The following ITGBL1 variants were observed in gnomAD, a reference collection of about 807,000 sequenced individuals.
The protein encoded by ITGBL1 is integrin subunit beta like 1, also known as integrin beta-like protein 1.
In ITGBL1, 51 loss-of-function variants were observed where a neutral mutation model predicts 68.5. The observed-to-expected ratio is 0.74, with a 90% confidence interval of 0.59 to 0.94. The LOEUF (loss-of-function observed/expected upper bound fraction) is 0.94. ITGBL1 is among the 40% of genes least tolerant of loss of function. The probability of loss-of-function intolerance (pLI) is 0.00; values close to 1 mark genes in which losing one functional copy is unlikely to be tolerated. For missense variants in ITGBL1, 649 were observed against 647.4 expected, an observed-to-expected ratio of 1.00 and a Z score of -0.03; for synonymous variants, 209 against 227.3, an observed-to-expected ratio of 0.92 and a Z score of 0.72.
rs1229258887 is a variant in ITGBL1, at chr13:101,596,413, C to G, written c.869-1740C>G. Among the ~76,000 whole-genome samples, 5 of 152,080 alleles carry G rather than the reference C, an allele frequency of 3.3e-5. No individual in the cohort carries two copies. The East Asian group carries it at 9.6e-4, about 29-fold the overall frequency. On this transcript the variant is annotated intron_variant, in intron 6 of 10. Transcript: ENST00000376180. ...CTACTTGCATTGTATGAGGAGAGTA[C>G]ATCTTAGATATTCCCACTGCACATA... is the stretch of plus-strand genomic sequence containing the variant.
chr13:101,475,555 C>T (rs2048523440), intron 2 of ITGBL1, among the ~76,000 whole-genome samples: 1 of 151,986 alleles, frequency 6.6e-6, no homozygotes, highest in Admixed American at 6.6e-5. Context: ...AGAAATATGT[C>T]AATACTCAGG....
intron 7 of ITGBL1, among the ~76,000 whole-genome samples, chr13:101,607,153 A>T (rs148424222): frequency 1.3e-5 from 2 of 152,050 alleles, no homozygotes; most frequent in Non-Finnish European, 2.9e-5. Flanking sequence ...AGGTAAAATG[A>T]TAAGAACATT....
chr13:101,704,393 T>C (rs1171734281), intron 8 of ITGBL1, among the ~76,000 whole-genome samples: 2 of 149,484 alleles, frequency 1.3e-5, no homozygotes, highest in Non-Finnish European at 3.0e-5. Context: ...AGCCCAAAAT[T>C]TAATGGATTT....
At chr13:101,689,211 T>TAAAAAAAAAAAAAAAAAG (rs2033825382) in intron 7 of ITGBL1, among the ~76,000 whole-genome samples, 1 of 74,872 alleles carries the variant, frequency 1.3e-5, no homozygotes, top group East Asian at 1.2e-3. Context: ...AGACTCTGCC[T>TAAAAAAAAAAAAAAAAAG]AAAAAAAAAA....
intron 2 of ITGBL1, among the ~76,000 whole-genome samples, chr13:101,480,537 AAC>A (rs1287994785): frequency 7.0e-4 from 107 of 152,180 alleles, no homozygotes; most frequent in East Asian, 1.2e-3. Flanking sequence ...GAATGTTTGT[AAC>A]ACAAATAAAT....
chr13:101,483,749 A>G (rs1172419067), intron 2 of ITGBL1, among the ~76,000 whole-genome samples: 1 of 152,148 alleles, frequency 6.6e-6, no homozygotes, highest in Admixed American at 6.6e-5. Flanking sequence ...TTATTTTACT[A>G]TCTTACCACA....
chr13:101,699,991 C>T (rs1290701278), intron 8 of ITGBL1, among the ~76,000 whole-genome samples: 1 of 152,184 alleles, frequency 6.6e-6, no homozygotes, highest in East Asian at 1.9e-4. Context: ...TCTGGCTTCT[C>T]TAGTTACCTA....
intron 6 of ITGBL1, among the ~76,000 whole-genome samples, chr13:101,595,406 C>G (rs1053077063): frequency 6.6e-6 from 1 of 152,118 alleles, no homozygotes; most frequent in African/African-American, 2.4e-5. Context: ...AAACACCTCC[C>G]ACCAGGCCCC....
intron 7 of ITGBL1, among the ~76,000 whole-genome samples, chr13:101,608,624 T>C (rs73556019): frequency 6.6e-6 from 1 of 152,044 alleles, no homozygotes; most frequent in Non-Finnish European, 1.5e-5. Flanking sequence ...GGAAATGTGC[T>C]GAGTGTTTAG....
At position 101,537,413 on chromosome 13, in the gene ITGBL1, A is replaced by G. The variant is rs1594873939; in HGVS notation, c.317-30286A>G. On this transcript the variant is annotated intron_variant, in intron 2 of 10. Transcript: ENST00000376180. ...TATGAAACTTAATCTTTAGAAAAAT[A>G]TAACATTTCAAAGGAAGGCTTTGAA... is the stretch of plus-strand genomic sequence containing the variant. Among the ~76,000 whole-genome samples the G allele has an allele frequency of 2.0e-5, 3 of 152,214 alleles. 1 individual carries two copies.
chr13:101,513,474 T>C (rs181263825), intron 2 of ITGBL1, among the ~76,000 whole-genome samples: 1 of 152,216 alleles, frequency 6.6e-6, no homozygotes, highest in Non-Finnish European at 1.5e-5. Flanking sequence ...AATTATTACA[T>C]GGTGCCAAAA....
At chr13:101,473,301 G>A (rs911361025) in intron 2 of ITGBL1, among the ~76,000 whole-genome samples, 3 of 152,164 alleles carry the variant, frequency 2.0e-5, no homozygotes, top group African/African-American at 4.8e-5. Context: ...TACCCCATCC[G>A]CCGGCAGCAG....
At chr13:101,463,815 C>T (rs1318662403) in intron 2 of ITGBL1, among the ~76,000 whole-genome samples, 2 of 151,530 alleles carry the variant, frequency 1.3e-5, no homozygotes, top group African/African-American at 2.4e-5. Context: ...ATGTAATAAA[C>T]ATTACTGAAT....
intron 6 of ITGBL1, among the ~76,000 whole-genome samples, chr13:101,593,680 A>C (rs1457651018): frequency 2.0e-5 from 3 of 152,106 alleles, no homozygotes; most frequent in Non-Finnish European, 4.4e-5. Flanking sequence ...CTTATTTCAA[A>C]ACCTAAAAAA....
intron 7 of ITGBL1, among the ~76,000 whole-genome samples, chr13:101,664,760 A>T (rs180735180): frequency 6.6e-6 from 1 of 152,058 alleles, no homozygotes; most frequent in African/African-American, 2.4e-5. Flanking sequence ...GTGAGATGAA[A>T]TCTCACTCTG....
At position 101,559,119 on chromosome 13, in the gene ITGBL1, A is replaced by T. The variant is rs75001094; in HGVS notation, c.317-8580A>T. On this transcript the variant is annotated intron_variant, in intron 2 of 10. Transcript: ENST00000376180. ...CCTTAACAATAAACATATCATGATT[A>T]TCTGCAATACTTTAATGGATACTCT... 2.4e-4 allele frequency among the ~76,000 whole-genome samples: 36 copies of T among 152,334 alleles called. 1 individual carries two copies. The East Asian group carries it at 6.9e-3, about 29-fold the overall frequency.
rs533436538 is a variant in ITGBL1, at chr13:101,633,802, T to G, written c.1015+35503T>G. Among the ~76,000 whole-genome samples, 5 of 152,314 alleles carry G rather than the reference T, an allele frequency of 3.3e-5. 1 individual carries two copies. The South Asian group carries it at 1.0e-3, about 32-fold the overall frequency. On this transcript the variant is annotated intron_variant, in intron 7 of 10. Transcript: ENST00000376180. ...AGAAAAAATCCACAAATAGTCTATA[T>G]CTCATACCTGGTGTCAGGTATTGGG...
intron 7 of ITGBL1, among the ~76,000 whole-genome samples, chr13:101,611,098 G>A (rs1943190663): frequency 6.6e-6 from 1 of 152,106 alleles, no homozygotes; most frequent in Admixed American, 6.6e-5. Context: ...GGGGAAATAT[G>A]TCTCTCCCTC....
At chr13:101,675,960 TA>T (rs2033491451) in intron 7 of ITGBL1, among the ~76,000 whole-genome samples, 1 of 152,208 alleles carries the variant, frequency 6.6e-6, no homozygotes, top group Non-Finnish European at 1.5e-5. Context: ...ATTCAATTTT[TA>T]ATTTTACTGT....
Sources: gnomAD v4.1 joint callset for allele counts (sites outside exome capture counted in the v4.1 genomes callset) on GRCh38, gnomAD v4.1.1 for gene constraint, MANE v1.5 for transcripts, NCBI Gene and HGNC (gene_info 2026-07-23, HGNC 2026-07-21) for gene names.